Variants in MRTFB observed in about 807,000 individuals in gnomAD.
The protein encoded by MRTFB is myocardin-related transcription factor B.
In MRTFB, 29 loss-of-function variants were observed where a neutral mutation model predicts 104.2. The ratio of observed to expected loss-of-function variants is 0.28; its 90% CI spans 0.21 to 0.38. MRTFB has a LOEUF of 0.38. MRTFB is among the 10% of genes least tolerant of loss of function. MRTFB has a pLI of 1.00. For missense variants in MRTFB, 1,270 were observed against 1,341.6 expected, an observed-to-expected ratio of 0.95 and a Z score of 0.83; for synonymous variants, 535 against 519.5, an observed-to-expected ratio of 1.03 and a Z score of -0.41.
At chr16:14,083,276 A>G (rs776752423) in intron 2 of MRTFB, among the ~76,000 whole-genome samples, 7 of 151,964 alleles carry the variant, frequency 4.6e-5, no homozygotes, top group African/African-American at 1.2e-4. Context: ...AGGGTTGTCT[A>G]TATATAAGGT....
At chr16:14,079,245 T>TA in intron 1 of MRTFB, 45 bp from the exon 2 acceptor site, 1 of 337,450 alleles carries the variant, frequency 3.0e-6, no homozygotes, top group Non-Finnish European at 5.4e-6. Flanking sequence ...GTCTGGCATG[T>TA]AGTAGGTGCT....
intron 8 of MRTFB, among the ~76,000 whole-genome samples, chr16:14,228,905 T>TG (rs1393923415): frequency 6.6e-6 from 1 of 152,084 alleles, no homozygotes; most frequent in Non-Finnish European, 1.5e-5. Flanking sequence ...GATGATTGCC[T>TG]GGGGGTGAGG....
intron 6 of MRTFB, among the ~76,000 whole-genome samples, chr16:14,213,891 G>A (rs1418230829): frequency 6.6e-6 from 1 of 152,166 alleles, no homozygotes; most frequent in African/African-American, 2.4e-5. Context: ...AAAAATTGGG[G>A]TCCAGAGGAT....
the MRTFB span, among the ~76,000 whole-genome samples, chr16:14,033,484 T>C: frequency 6.6e-6 from 1 of 151,984 alleles, no homozygotes; most frequent in South Asian, 2.1e-4. Context: ...GATATTGCAG[T>C]GAGCCGTGTT....
At chr16:14,133,782 A>G (rs1393367176) in intron 2 of MRTFB, among the ~76,000 whole-genome samples, 3 of 152,212 alleles carry the variant, frequency 2.0e-5, no homozygotes, top group Non-Finnish European at 4.4e-5. Context: ...TTTTAACCCA[A>G]TAATTGCCAA....
intron 2 of MRTFB, among the ~76,000 whole-genome samples, chr16:14,129,514 C>A (rs565855724): frequency 6.1e-4 from 93 of 152,272 alleles, no homozygotes; most frequent in African/African-American, 1.7e-3. Context: ...TATTTGCCTG[C>A]AAATTTTCAG....
chr16:14,108,000 G>A lies in MRTFB; in HGVS notation c.-64+28646G>A, dbSNP rs978216690. 1.1e-4 allele frequency among the ~76,000 whole-genome samples: 17 copies of A among 152,204 alleles called. No homozygotes were observed. In the East Asian group the frequency reaches 1.7e-3, roughly 16 times the overall value. On this transcript the variant is annotated intron_variant, in intron 2 of 16. Transcript: ENST00000571589. ...CCCTGCCTTCTATTCCTATCACTGC[G>A]TCTCTACCAGGGACCCCTTTTCTGC...
chr16:14,078,199 C>T (rs2141835772), intron 1 of MRTFB, among the ~76,000 whole-genome samples: 1 of 152,288 alleles, frequency 6.6e-6, no homozygotes, highest in Admixed American at 6.5e-5. Flanking sequence ...CAGCTTAACC[C>T]TTGATGAACT....
the MRTFB span, among the ~76,000 whole-genome samples, chr16:14,051,640 C>T: frequency 3.3e-5 from 5 of 151,806 alleles, no homozygotes; most frequent in East Asian, 1.9e-4. Flanking sequence ...CAAACACACT[C>T]GTATAGACAC....
At chr16:14,046,956 A>G in the MRTFB span, among the ~76,000 whole-genome samples, 4 of 152,196 alleles carry the variant, frequency 2.6e-5, no homozygotes, top group African/African-American at 9.7e-5. Context: ...ATCCCTATTT[A>G]CATGTAAGGG....
chr16:14,237,759 G>A (rs540248617), intron 9 of MRTFB, among the ~76,000 whole-genome samples: 2 of 152,260 alleles, frequency 1.3e-5, no homozygotes, highest in South Asian at 4.1e-4. Context: ...GTGCAGGCAG[G>A]CACTCAGCTC....
chr16:14,078,378 C>A (rs2034192841), intron 1 of MRTFB, among the ~76,000 whole-genome samples: 1 of 151,960 alleles, frequency 6.6e-6, no homozygotes, highest in African/African-American at 2.4e-5. Context: ...GCTCTTATTT[C>A]ACTGAGGACA....
chr16:14,163,838 A>G (rs2039132553), intron 3 of MRTFB, among the ~76,000 whole-genome samples: 1 of 152,060 alleles, frequency 6.6e-6, no homozygotes, highest in Non-Finnish European at 1.5e-5. Context: ...TGTCTCAAAA[A>G]AAAAAAAAAA....
chr16:14,192,430 A>C (rs1383513371), intron 3 of MRTFB, among the ~76,000 whole-genome samples: 1 of 152,240 alleles, frequency 6.6e-6, no homozygotes, highest in Non-Finnish European at 1.5e-5. Context: ...GGAATGAAAA[A>C]GTAAAAGATA....
the MRTFB span, among the ~76,000 whole-genome samples, chr16:14,029,429 T>A: frequency 1.6e-5 from 1 of 62,380 alleles, no homozygotes; most frequent in African/African-American, 3.9e-5. Flanking sequence ...AATATATATA[T>A]ATATATATAT....
chr16:14,175,857 A>T (rs2039564810), intron 3 of MRTFB, among the ~76,000 whole-genome samples: 2 of 152,184 alleles, frequency 1.3e-5, no homozygotes, highest in South Asian at 2.1e-4. Flanking sequence ...AAGAATTTAG[A>T]CTCAAAAGAC....
chr16:14,261,471 G>T lies in MRTFB; in HGVS notation c.*27G>T. The T allele has an allele frequency of 6.4e-7, 1 of 1,559,954 alleles. No individual in the cohort carries two copies. The highest frequency in any genetic ancestry group is 8.7e-7 in the Non-Finnish European group (1 of 1,150,520). ...GTCACAGATTTCTTTTCTGAGAGTTGATGAGGTTTAAGAACATGAAGATTC... is the reference window on the plus strand; with the variant it reads ...GTCACAGATTTCTTTTCTGAGAGTTTATGAGGTTTAAGAACATGAAGATTC... On this transcript the variant is annotated 3_prime_UTR_variant, in exon 17 of 17. Coordinates refer to ENST00000571589, the MANE Select transcript of MRTFB (RefSeq NM_001308142.2).
chr16:14,194,742 A>C (rs1459452435), intron 3 of MRTFB, among the ~76,000 whole-genome samples: 1 of 150,020 alleles, frequency 6.7e-6, no homozygotes, highest in Non-Finnish European at 1.5e-5. Context: ...GGAAAGACTA[A>C]ATTTTCCTTT....
chr16:14,037,995 G>A, the MRTFB span, among the ~76,000 whole-genome samples: 1 of 149,262 alleles, frequency 6.7e-6, no homozygotes, highest in Admixed American at 6.7e-5. Flanking sequence ...TGTTGGGTAT[G>A]TTATGGTATC....
Sources: allele counts gnomAD v4.1 joint callset (sites outside exome capture counted in the v4.1 genomes callset), GRCh38; gene constraint gnomAD v4.1.1; transcripts MANE v1.5; gene names NCBI Gene and HGNC (gene_info 2026-07-23, HGNC 2026-07-21).